The following SPATA3 variants were observed in gnomAD, a reference collection of about 807,000 sequenced individuals.
SPATA3 encodes spermatogenesis-associated protein 3.
In SPATA3, 6 loss-of-function variants were observed where a neutral mutation model predicts 5.7. The ratio of observed to expected loss-of-function variants is 1.06; its 90% confidence interval spans 0.58 to 2.09. SPATA3 has a LOEUF of 2.09. SPATA3 is among the 30% of genes most tolerant of loss of function. The probability of loss-of-function intolerance (pLI) is 0.00; values close to 1 mark genes in which losing one functional copy is unlikely to be tolerated. For synonymous variants in SPATA3, 44 were observed against 48.4 expected (o/e 0.91, Z 0.37); for missense variants, 155 against 130.4 (o/e 1.19, Z -0.92).
downstream of SPATA3, among the ~76,000 whole-genome samples, chr2:231,008,818 G>C (rs541664488): frequency 6.6e-6 from 1 of 152,194 alleles, no homozygotes; most frequent in Non-Finnish European, 1.5e-5. Context: ...AGAGAGTTCT[G>C]GTTCAGATGT....
At chr2:231,011,250 G>T (rs531404797), downstream of SPATA3, among the ~76,000 whole-genome samples, 6 of 152,154 alleles carry the variant, frequency 3.9e-5, no homozygotes, top group East Asian at 1.2e-3. Flanking sequence ...GAGTAGCTGG[G>T]ATTACAAGCA....
downstream of SPATA3, among the ~76,000 whole-genome samples, chr2:231,011,469 A>G (rs1449431683): frequency 2.0e-5 from 3 of 152,168 alleles, no homozygotes; most frequent in Non-Finnish European, 4.4e-5. Flanking sequence ...AAGAAAGTCC[A>G]GGAAGCCCCA....
chr2:231,015,155 C>A (rs1280699764), intron 6 of SPATA3, among the ~76,000 whole-genome samples: 1 of 151,598 alleles, frequency 6.6e-6, no homozygotes, highest in Admixed American at 6.6e-5. Context: ...GCAAACCCTA[C>A]AGAGTCCCAA....
chr2:231,017,324 T>C (rs911582191), intron 6 of SPATA3, among the ~76,000 whole-genome samples: 3 of 152,210 alleles, frequency 2.0e-5, no homozygotes, highest in African/African-American at 7.2e-5. Context: ...TCAGCTTCCC[T>C]CCCCTTTGGT....
chr2:231,014,492 C>T (rs1039833571), intron 6 of SPATA3, among the ~76,000 whole-genome samples: 13 of 152,268 alleles, frequency 8.5e-5, no homozygotes, highest in Non-Finnish European at 1.6e-4. Flanking sequence ...TCCAAGAACT[C>T]GCTCTTGGGG....
downstream of SPATA3, among the ~76,000 whole-genome samples, chr2:231,005,314 C>T (rs1435135123): frequency 1.7e-4 from 16 of 91,836 alleles, no homozygotes; most frequent in Non-Finnish European, 3.0e-4. Context: ...CCATCACCAC[C>T]ATCATCATCA....
chr2:231,015,496 A>C (rs1243951582), intron 6 of SPATA3, among the ~76,000 whole-genome samples: 2 of 152,134 alleles, frequency 1.3e-5, no homozygotes, highest in Non-Finnish European at 2.9e-5. Flanking sequence ...TGCACTGGCC[A>C]GCGGCCTCCC....
chr2:231,006,624 G>T (rs1692635009), downstream of SPATA3: 1 of 152,238 alleles, frequency 6.6e-6, no homozygotes, highest in Non-Finnish European at 1.5e-5. Flanking sequence ...TGTAGGGGAG[G>T]GCGATGGAGG....
At chr2:231,009,742 T>C (rs1692734911), downstream of SPATA3, among the ~76,000 whole-genome samples, 1 of 152,214 alleles carries the variant, frequency 6.6e-6, no homozygotes, top group Non-Finnish European at 1.5e-5. Flanking sequence ...ACTCTGTGGT[T>C]AGGTCCTGGA....
intron 1 of SPATA3, among the ~76,000 whole-genome samples, chr2:230,998,764 A>G (rs1692231099): frequency 6.6e-6 from 1 of 152,258 alleles, no homozygotes. Context: ...TGGAATCCTC[A>G]TACACTGTAG....
intron 1 of SPATA3, chr2:230,996,472 C>G (rs753217842): frequency 4.1e-5 from 64 of 1,552,192 alleles, no homozygotes; most frequent in Non-Finnish European, 5.4e-5. Context: ...ATCCGCCGCT[C>G]CTCTTGCTGC....
intron 1 of SPATA3, among the ~76,000 whole-genome samples, chr2:230,999,259 T>C (rs980477496): frequency 1.3e-5 from 2 of 152,118 alleles, no homozygotes; most frequent in African/African-American, 4.8e-5. Context: ...TAACTGCTCA[T>C]GGAGATGGGG....
chr2:231,019,699 C>T (rs1415963124), intron 6 of SPATA3: 1 of 150,984 alleles, frequency 6.6e-6, no homozygotes, highest in African/African-American at 2.4e-5. Flanking sequence ...CTTCTCAGTG[C>T]CACTCTCCTC....
At chr2:231,004,753 G>A (rs1408587929), downstream of SPATA3, among the ~76,000 whole-genome samples, 5 of 152,228 alleles carry the variant, frequency 3.3e-5, no homozygotes, top group East Asian at 3.9e-4. Context: ...TCTGAGGCCT[G>A]GGGCAGGTTC....
In SPATA3 at chr2:230,996,554, C is replaced by T. The variant is rs1055459450; in HGVS notation, c.791-3812C>T. 4 of 1,548,596 alleles carry T rather than the reference C, an allele frequency of 2.6e-6. No homozygotes were observed. Among genetic ancestry groups the T allele is most frequent in the Non-Finnish European group, 2.6e-6 (3 of 1,145,218 alleles). ...AAGCAGGTGGGCTGTCTTCTAGCTTCAGCAGTTCCAGCCTTCCTGCTGATG... is the reference window on the plus strand; with the variant it reads ...AAGCAGGTGGGCTGTCTTCTAGCTTTAGCAGTTCCAGCCTTCCTGCTGATG... On this transcript the variant is annotated intron_variant, in intron 1 of 2. Coordinates refer to ENST00000645363, the Ensembl canonical transcript of SPATA3.
chr2:231,000,794 A>AG (rs566909178), intron 2 of SPATA3, among the ~76,000 whole-genome samples: 28 of 151,972 alleles, frequency 1.8e-4, no homozygotes, highest in Non-Finnish European at 3.5e-4. Context: ...ATTCCTCCTC[A>AG]GGGGCTTCCT....
At chr2:231,005,452 C>T (rs1186945765), downstream of SPATA3, among the ~76,000 whole-genome samples, 17 of 130,766 alleles carry the variant, frequency 1.3e-4, no homozygotes, top group African/African-American at 4.9e-4. Context: ...CCACCATCAC[C>T]ACCACCACCA....
chr2:231,003,263 C>A (rs1426075056), downstream of SPATA3, among the ~76,000 whole-genome samples: 1 of 152,256 alleles, frequency 6.6e-6, no homozygotes, highest in Non-Finnish European at 1.5e-5. Flanking sequence ...CCTGTCCTCT[C>A]CACCTGTGCC....
At position 231,000,500 on chromosome 2, in the gene SPATA3, C is replaced by A. The variant is rs752053010; in HGVS notation, c.925C>A (p.Pro309Thr). 3.0e-5 allele frequency: 47 copies of A among 1,547,716 alleles called. No homozygotes were observed. The highest frequency in any genetic ancestry group is 3.8e-5 in the Non-Finnish European group (44 of 1,144,464). The stretch of plus-strand genomic sequence containing the variant: ...TCTGCCTCGGGACTGGCAGATGGCG[C>A]CAGGGAGAGGACTCCCCAACCTGCT... Residue 309 changes from proline (P) to threonine (T), a missense_variant, in exon 2 of 3, where the codon CCA becomes ACA. Transcript: ENST00000645363.
Sources: gnomAD v4.1 joint callset for allele counts (sites outside exome capture counted in the v4.1 genomes callset) on GRCh38, gnomAD v4.1.1 for gene constraint, MANE v1.5 for transcripts, NCBI Gene and HGNC (gene_info 2026-07-23, HGNC 2026-07-21) for gene names.